NELL2: variants seen among roughly 807,000 people sequenced by gnomAD.
NELL2 encodes protein kinase C-binding protein NELL2.
Under a neutral mutation model 109.6 loss-of-function variants are expected in NELL2, and 41 were observed. The ratio of observed to expected loss-of-function variants is 0.37; its 90% CI spans 0.29 to 0.49. NELL2 has a LOEUF of 0.49. Among genes scored for constraint, NELL2 ranks in the 20% least tolerant of loss-of-function variants. The pLI is 0.98. For missense variants in NELL2, 900 were observed against 1,008.3 expected, an observed-to-expected ratio of 0.89 and a Z score of 1.45; for synonymous variants, 355 against 344.7, an observed-to-expected ratio of 1.03 and a Z score of -0.33.
intron 2 of NELL2, among the ~76,000 whole-genome samples, chr12:44,873,234 T>C (rs1945215367): frequency 6.6e-6 from 1 of 152,168 alleles, no homozygotes. Flanking sequence ...TGTTAGGCAT[T>C]TACTCTGTCT....
chr12:44,583,994 G>A (rs753575290), intron 15 of NELL2, among the ~76,000 whole-genome samples: 6 of 152,082 alleles, frequency 3.9e-5, no homozygotes, highest in Non-Finnish European at 7.4e-5. Flanking sequence ...GTCTGGCCTC[G>A]AACTCCTGAG....
At chr12:44,640,503 T>A (rs372812239) in intron 13 of NELL2, among the ~76,000 whole-genome samples, 3 of 152,350 alleles carry the variant, frequency 2.0e-5, no homozygotes, top group South Asian at 4.1e-4. Flanking sequence ...TAAACAACCA[T>A]ACTAACAACT....
At chr12:44,510,014 G>A (rs1224905657) in intron 19 of NELL2, among the ~76,000 whole-genome samples, 2 of 152,038 alleles carry the variant, frequency 1.3e-5, no homozygotes, top group East Asian at 1.9e-4. Flanking sequence ...AAATAGGCAG[G>A]GAAGGGCCAG....
chr12:44,574,971 T>C (rs1944019026), intron 15 of NELL2, among the ~76,000 whole-genome samples: 1 of 152,212 alleles, frequency 6.6e-6, no homozygotes, highest in African/African-American at 2.4e-5. Flanking sequence ...AGTATTAATT[T>C]AGTATAAATT....
chr12:44,816,301 A>G (rs1230725913), intron 2 of NELL2, among the ~76,000 whole-genome samples, 165 bp from the exon 3 acceptor site: 1 of 152,232 alleles, frequency 6.6e-6, no homozygotes, highest in African/African-American at 2.4e-5. Context: ...ACTTTATGCT[A>G]TATATAATAA....
intron 12 of NELL2, among the ~76,000 whole-genome samples, chr12:44,695,372 C>T (rs1949032978): frequency 6.6e-6 from 1 of 151,342 alleles, no homozygotes; most frequent in African/African-American, 2.4e-5. Context: ...AAAGAAAAAT[C>T]TTATGCTACT....
chr12:44,647,484 T>C (rs957246818), intron 13 of NELL2, among the ~76,000 whole-genome samples: 1 of 152,128 alleles, frequency 6.6e-6, no homozygotes, highest in African/African-American at 2.4e-5. Context: ...AAATAACATA[T>C]AATTTAATAG....
rs190983819 is a variant in NELL2, at chr12:44,747,000, G to A, written c.994+27747C>T. 1.9e-4 allele frequency among the ~76,000 whole-genome samples: 29 copies of A among 152,264 alleles called. No individual in the cohort carries two copies. In the East Asian group the frequency reaches 3.1e-3, roughly 16 times the overall value. On this transcript the variant is annotated intron_variant, in intron 9 of 19. Transcript: ENST00000429094. ...TGCTGCTATAAAGACTCATGCACAC[G>A]TATGTTTATAGCAGCACTATTCACA... is the stretch of plus-strand genomic sequence containing the variant.
At chr12:44,748,083 C>G (rs1211565233) in intron 9 of NELL2, among the ~76,000 whole-genome samples, 2 of 152,048 alleles carry the variant, frequency 1.3e-5, no homozygotes, top group Non-Finnish European at 2.9e-5. Flanking sequence ...GAGAAACATC[C>G]CCTACAAAGT....
At chr12:44,862,176 T>C (rs1346241182) in intron 2 of NELL2, among the ~76,000 whole-genome samples, 1 of 152,250 alleles carries the variant, frequency 6.6e-6, no homozygotes, top group Non-Finnish European at 1.5e-5. Flanking sequence ...TTTTCCCATT[T>C]GCCCCACGAA....
intron 13 of NELL2, among the ~76,000 whole-genome samples, chr12:44,620,540 C>T (rs1946017968): frequency 6.6e-6 from 1 of 152,080 alleles, no homozygotes; most frequent in Admixed American, 6.5e-5. Flanking sequence ...TCACCAGCAA[C>T]CTCACAGATA....
At chr12:44,814,334 G>A (rs886490473) in intron 3 of NELL2, among the ~76,000 whole-genome samples, 3 of 152,160 alleles carry the variant, frequency 2.0e-5, no homozygotes, top group African/African-American at 7.2e-5. Flanking sequence ...AAATTAAGGC[G>A]AAATTTTCCT....
chr12:44,537,059 A>AG (rs1247733306), intron 15 of NELL2, among the ~76,000 whole-genome samples: 1 of 151,210 alleles, frequency 6.6e-6, no homozygotes, highest in East Asian at 1.9e-4. Context: ...AAAAAAAAAA[A>AG]CAAGCTCATA....
At chr12:44,527,909 AC>A (rs1019836415) in intron 16 of NELL2, among the ~76,000 whole-genome samples, 6 of 151,958 alleles carry the variant, frequency 3.9e-5, no homozygotes, top group African/African-American at 1.4e-4. Context: ...TCTGGCTAAC[AC>A]GGTGAAACCC....
At chr12:44,521,688 T>G (rs892507176) in intron 18 of NELL2, among the ~76,000 whole-genome samples, 3 of 152,150 alleles carry the variant, frequency 2.0e-5, no homozygotes, top group East Asian at 1.9e-4. Context: ...TGTCTTTAAG[T>G]TAGCCTAAAC....
chr12:44,516,554 T>A (rs1227733237), intron 19 of NELL2, among the ~76,000 whole-genome samples: 1 of 152,238 alleles, frequency 6.6e-6, no homozygotes, highest in Non-Finnish European at 1.5e-5. Flanking sequence ...CAATTAAGGT[T>A]CAATTATTTA....
At position 44,527,864 on chromosome 12, in the gene NELL2, C is replaced by T. The variant is rs567835432; in HGVS notation, c.1805-4380G>A. ...ATCCCAGCACTTTGGGAGGCCGAGG[C>T]GGACGGATCACGAGGTCAGGAGACT... On this transcript the variant is annotated intron_variant, in intron 16 of 19. Transcript: ENST00000429094. 5.3e-5 allele frequency among the ~76,000 whole-genome samples: 8 copies of T among 152,002 alleles called. No individual in the cohort carries two copies. The South Asian group carries it at 1.0e-3, about 20-fold the overall frequency.
At chr12:44,854,430 T>C (rs574766591) in intron 2 of NELL2, among the ~76,000 whole-genome samples, 1 of 152,240 alleles carries the variant, frequency 6.6e-6, no homozygotes, top group East Asian at 1.9e-4. Flanking sequence ...GAACATAGTG[T>C]TAAAGATTGT....
intron 13 of NELL2, among the ~76,000 whole-genome samples, chr12:44,652,337 T>C (rs937442599): frequency 2.0e-5 from 3 of 152,194 alleles, no homozygotes; most frequent in Admixed American, 6.5e-5. Context: ...ATATTATATG[T>C]TGGGTAAATG....
Sources: gnomAD v4.1 joint callset for allele counts (sites outside exome capture counted in the v4.1 genomes callset) on GRCh38, gnomAD v4.1.1 for gene constraint, MANE v1.5 for transcripts, NCBI Gene and HGNC (gene_info 2026-07-23, HGNC 2026-07-21) for gene names.